Variants in GRB14 observed in about 807,000 individuals in gnomAD.
GRB14 encodes growth factor receptor-bound protein 14.
Under a neutral mutation model 69.1 loss-of-function variants are expected in GRB14, and 38 were observed. That is an observed-to-expected ratio of 0.55 (90% CI 0.42 to 0.72). GRB14 has a LOEUF of 0.72. GRB14 is among the 30% of genes least tolerant of loss of function. GRB14 has a pLI of 0.00. For synonymous variants in GRB14, 247 were observed against 241.3 expected (o/e 1.02, Z -0.22); for missense variants, 666 against 666.1 (o/e 1.00, Z 0.00).
chr2:164,552,537 A>G (rs1470120539), intron 2 of GRB14, among the ~76,000 whole-genome samples: 1 of 152,218 alleles, frequency 6.6e-6, no homozygotes, highest in East Asian at 1.9e-4. Flanking sequence ...CTCATCATAC[A>G]AATTCCTAGG....
intron 2 of GRB14, among the ~76,000 whole-genome samples, chr2:164,580,222 C>T (rs1574329061): frequency 6.6e-6 from 1 of 151,662 alleles, no homozygotes; most frequent in South Asian, 2.1e-4. Flanking sequence ...AGCCTCCCAA[C>T]TAGCTGGGAT....
Position 164,497,366 on chromosome 2 carries a change from A to AC in GRB14, c.1221+7dup. 6.2e-7 allele frequency: 1 copy of AC among 1,607,828 alleles called. No homozygotes were observed. The highest frequency in any genetic ancestry group is 8.5e-7 in the Non-Finnish European group (1 of 1,175,272). On this transcript the variant is annotated splice_region_variant and intron_variant, in intron 10 of 13. Coordinates refer to ENST00000263915, the MANE Select transcript of GRB14 (RefSeq NM_004490.3). ...TAAATATTTTGAAGCATGTGAAGCT[A>AC]CTTGTACCCTCCAAGCGAGTCCTTC...
At chr2:164,620,144 T>A (rs1162138305) in intron 1 of GRB14, among the ~76,000 whole-genome samples, 1 of 146,976 alleles carries the variant, frequency 6.8e-6, no homozygotes, top group Non-Finnish European at 1.5e-5. Context: ...CCATCACTTT[T>A]GATAATTTTC....
At chr2:164,583,037 C>T (rs1028746053) in intron 2 of GRB14, among the ~76,000 whole-genome samples, 2 of 152,144 alleles carry the variant, frequency 1.3e-5, no homozygotes, top group Admixed American at 1.3e-4. Flanking sequence ...TTTACTTCAC[C>T]ATCCACACTT....
chr2:164,529,792 A>G (rs143214968), intron 3 of GRB14, among the ~76,000 whole-genome samples: 1 of 152,174 alleles, frequency 6.6e-6, no homozygotes, highest in Non-Finnish European at 1.5e-5. Context: ...CTCCTAAAAC[A>G]TGTGTATGAA....
intron 2 of GRB14, among the ~76,000 whole-genome samples, chr2:164,570,147 T>C (rs1220958748): frequency 6.6e-6 from 1 of 151,774 alleles, no homozygotes; most frequent in Admixed American, 6.6e-5. Context: ...TGGTGGCACG[T>C]GCCTGTAGTC....
rs3791354 is a variant in GRB14, at chr2:164,498,473, C to A, written c.1105-983G>T. ...TCCTAAGAAAGACCATTGTCAAAAT[C>A]TCTAGTCAAGAATCCCACTCAGTTC... is the stretch of plus-strand genomic sequence containing the variant. On this transcript the variant is annotated intron_variant, in intron 9 of 13. Transcript: ENST00000263915. Among the ~76,000 whole-genome samples the A allele has an allele frequency of 1.4e-3, 213 of 152,220 alleles. 6 individuals carry two copies. The East Asian group carries it at 0.034, about 24-fold the overall frequency.
intron 2 of GRB14, among the ~76,000 whole-genome samples, chr2:164,561,275 A>T (rs1353827989): frequency 1.3e-5 from 2 of 152,138 alleles, no homozygotes; most frequent in African/African-American, 4.8e-5. Context: ...TGAGTTTTAG[A>T]CTCCTCATAC....
chr2:164,526,674 T>C (rs747470672), intron 4 of GRB14, among the ~76,000 whole-genome samples: 1 of 152,068 alleles, frequency 6.6e-6, no homozygotes. Context: ...TGAGAACCTA[T>C]AGAAATTCAT....
intron 3 of GRB14, among the ~76,000 whole-genome samples, chr2:164,534,619 A>G (rs1428043432): frequency 1.3e-5 from 2 of 152,220 alleles, no homozygotes; most frequent in Non-Finnish European, 2.9e-5. Context: ...GAAAAGGGAA[A>G]ACAAAACAAA....
At chr2:164,597,591 G>A (rs1309138339) in intron 2 of GRB14, among the ~76,000 whole-genome samples, 6 of 151,936 alleles carry the variant, frequency 3.9e-5, no homozygotes, top group Non-Finnish European at 7.4e-5. Flanking sequence ...AACCATTAAA[G>A]AAGCTGGGTT....
chr2:164,617,552 A>G (rs1690327220), intron 2 of GRB14, among the ~76,000 whole-genome samples: 1 of 151,996 alleles, frequency 6.6e-6, no homozygotes, highest in Non-Finnish European at 1.5e-5. Flanking sequence ...CACTTTACCC[A>G]TTCTTTCTCT....
rs115647921 is a variant in GRB14, at chr2:164,565,644, G to A, written c.325-17828C>T. On this transcript the variant is annotated intron_variant, in intron 2 of 13. Transcript: ENST00000263915. ...CCTAGTGATGATCTGAGAAAAATGC[G>A]ATGAGGTAAAAGATTCATTCACAAT... Among the ~76,000 whole-genome samples the A allele has an allele frequency of 6.9e-3, 1,056 of 152,268 alleles. 5 individuals carry two copies. The highest frequency in any genetic ancestry group is 0.01 in the Admixed American group (160 of 15,304).
chr2:164,616,672 G>A (rs1690306702), intron 2 of GRB14, among the ~76,000 whole-genome samples: 1 of 152,186 alleles, frequency 6.6e-6, no homozygotes. Context: ...TGAAAGGCCA[G>A]ATGAAATTTA....
intron 2 of GRB14, among the ~76,000 whole-genome samples, chr2:164,577,726 C>T (rs1689286549): frequency 6.6e-6 from 1 of 152,096 alleles, no homozygotes; most frequent in Non-Finnish European, 1.5e-5. Flanking sequence ...AAGGTGCTGA[C>T]AGACTCGTGT....
chr2:164,501,699 C>A (rs1292246815), intron 9 of GRB14, among the ~76,000 whole-genome samples: 1 of 151,944 alleles, frequency 6.6e-6, no homozygotes, highest in African/African-American at 2.4e-5. Flanking sequence ...TTTTGGGTTT[C>A]CTGGAAAGCA....
At chr2:164,510,305 C>T (rs539956402) in intron 6 of GRB14, among the ~76,000 whole-genome samples, 1 of 152,240 alleles carries the variant, frequency 6.6e-6, no homozygotes, top group South Asian at 2.1e-4. Flanking sequence ...TGTTCCACCA[C>T]TGCTAAGGCT....
chr2:164,578,522 GCACACA>G (rs61283767), intron 2 of GRB14, among the ~76,000 whole-genome samples: 6 of 145,586 alleles, frequency 4.1e-5, no homozygotes, highest in South Asian at 2.2e-4. Context: ...CAATTCGCGC[GCACACA>G]CACACACACA....
rs1453914917 is a variant in GRB14, at chr2:164,492,787, TAAAAATC to T, written c.*242_*248del. ...ATTTGAAGAAAATATTATAGCAATG[TAAAAATC>T]ACACAAGAACACACCAAGTCATTTT... is the stretch of plus-strand genomic sequence containing the variant. On this transcript the variant is annotated 3_prime_UTR_variant, in exon 14 of 14. Coordinates refer to ENST00000263915, the MANE Select transcript of GRB14 (RefSeq NM_004490.3). The T allele has an allele frequency of 3.3e-5, 11 of 332,630 alleles. No homozygotes were observed. The Middle Eastern group carries it at 2.4e-3, about 73-fold the overall frequency. The allele number at this position is 332,630 out of a possible 1,614,324, so 20.6% of individuals were successfully genotyped here.
Sources: allele counts gnomAD v4.1 joint callset (sites outside exome capture counted in the v4.1 genomes callset), GRCh38; gene constraint gnomAD v4.1.1; transcripts MANE v1.5; gene names NCBI Gene and HGNC (gene_info 2026-07-23, HGNC 2026-07-21).